The following AGPAT3 variants were observed in gnomAD, a reference collection of about 807,000 sequenced individuals.
AGPAT3 encodes 1-acylglycerol-3-phosphate O-acyltransferase 3, also known as 1-acyl-sn-glycerol-3-phosphate acyltransferase gamma.
AGPAT3 carries 5 observed loss-of-function variants against 47.3 expected under a neutral mutation model. The observed-to-expected ratio is 0.11, with a 90% CI of 0.06 to 0.22. AGPAT3 has a LOEUF of 0.22. AGPAT3 is among the 10% of genes least tolerant of loss of function. The pLI, the probability that AGPAT3 is intolerant of heterozygous loss-of-function variation, is 1.00. For missense variants in AGPAT3, 315 were observed against 493.0 expected (o/e 0.64, Z 3.42); for synonymous variants, 212 against 208.3 (o/e 1.02, Z -0.15).
Position 43,939,278 on chromosome 21 carries a change from C to T in AGPAT3, c.-48-20356C>T, listed in dbSNP as rs1036539228. On this transcript the variant is annotated intron_variant, in intron 2 of 9. Transcript: ENST00000291572. The surrounding 1 kb of genome is among the most constrained non-coding windows in gnomAD (Gnocchi z 4.4). The stretch of plus-strand genomic sequence containing the variant: ...CCCCGTCCCCGTGTGCTGTCGAGGG[C>T]CTCTAGCGGGCGCTCCCTTGATAAC... Among the ~76,000 whole-genome samples the T allele has an allele frequency of 6.6e-6, 1 of 152,106 alleles. No homozygotes were observed. Among genetic ancestry groups the T allele is most frequent in the Non-Finnish European group, 1.5e-5 (1 of 68,000 alleles).
chr21:43,946,460 C>G (rs971764638), intron 2 of AGPAT3, among the ~76,000 whole-genome samples: 1 of 152,034 alleles, frequency 6.6e-6, no homozygotes, highest in African/African-American at 2.4e-5. Flanking sequence ...ATCAGCCAGG[C>G]GTGGTAGCCC....
intron 2 of AGPAT3, among the ~76,000 whole-genome samples, chr21:43,923,969 T>C: frequency 6.6e-6 from 1 of 152,168 alleles, no homozygotes; most frequent in East Asian, 1.9e-4. Flanking sequence ...TTGAAAGGCT[T>C]GTTAGGAGTA....
chr21:43,882,289 G>A (rs757759323), intron 1 of AGPAT3, among the ~76,000 whole-genome samples: 15 of 152,258 alleles, frequency 9.9e-5, no homozygotes, highest in Admixed American at 9.8e-4. Flanking sequence ...TATTAATAAA[G>A]CATTGTGATG....
intron 1 of AGPAT3, among the ~76,000 whole-genome samples, chr21:43,874,301 C>T (rs2085688001): frequency 1.3e-5 from 2 of 152,220 alleles, no homozygotes; most frequent in Non-Finnish European, 2.9e-5. Flanking sequence ...GCTGGGATTA[C>T]AGGCATGAGC....
chr21:43,907,733 A>AC (rs2086536922), intron 2 of AGPAT3, among the ~76,000 whole-genome samples: 13 of 152,270 alleles, frequency 8.5e-5, no homozygotes, highest in South Asian at 4.2e-4. Flanking sequence ...AACAACAACA[A>AC]AAAAACCGTT....
chr21:43,938,318 T>G (rs2087522698), intron 2 of AGPAT3, among the ~76,000 whole-genome samples: 1 of 6,222 alleles, frequency 1.6e-4, no homozygotes, highest in South Asian at 0.011. Context: ...CTGCAAATCT[T>G]TTTTTTTTTT....
intron 1 of AGPAT3, among the ~76,000 whole-genome samples, chr21:43,865,684 C>T (rs1000882876): frequency 6.6e-6 from 1 of 150,454 alleles, no homozygotes; most frequent in African/African-American, 2.4e-5. Context: ...TCGGGGCGCC[C>T]GGGAGGGGCC....
intron 1 of AGPAT3, among the ~76,000 whole-genome samples, chr21:43,871,446 T>A (rs2085622924): frequency 6.6e-6 from 1 of 152,208 alleles, no homozygotes; most frequent in Admixed American, 6.5e-5. Flanking sequence ...CAAAAAATAA[T>A]GTTTTCAGAA....
intron 2 of AGPAT3, among the ~76,000 whole-genome samples, chr21:43,957,622 C>G (rs2088544486): frequency 1.4e-5 from 2 of 145,988 alleles, no homozygotes; most frequent in Admixed American, 1.4e-4. Context: ...TCTCGGGTTT[C>G]CCCCTGCACA....
Position 43,955,085 on chromosome 21 carries a change from G to A in AGPAT3, c.-48-4549G>A, listed in dbSNP as rs146362903. 5.6e-4 allele frequency: 704 copies of A among 1,249,560 alleles called. 6 individuals carry two copies. The African/African-American group carries it at 9.8e-3, about 17-fold the overall frequency. 77.4% of individuals were successfully genotyped at this position (1,249,560 alleles called of 1,614,324 possible). ...AAAGGCTGGGTGCCAGCTGCCTGTC[G>A]GCAGGGAGCGTATCACCGTGGCACG... On this transcript the variant is annotated intron_variant, in intron 2 of 9. Coordinates refer to ENST00000291572, the MANE Select transcript of AGPAT3 (RefSeq NM_020132.5). The surrounding 1 kb of genome is among the most constrained non-coding windows in gnomAD (Gnocchi z 4.1).
Position 43,922,965 on chromosome 21 carries a change from G to A in AGPAT3, c.-49+18946G>A, listed in dbSNP as rs1390409622. Among the ~76,000 whole-genome samples, 6 of 152,222 alleles carry A rather than the reference G, an allele frequency of 3.9e-5. No homozygotes were observed. Among genetic ancestry groups the A allele is most frequent in the Non-Finnish European group, 8.8e-5 (6 of 68,028 alleles). On this transcript the variant is annotated intron_variant, in intron 2 of 9. Transcript: ENST00000291572. The surrounding 1 kb of genome is among the most constrained non-coding windows in gnomAD (Gnocchi z 4.9). ...GGTGCGAGCGTCTGTTCTGTGTCAG[G>A]AGTCCCTGTTTCTTTCTCCCCATGC...
intron 1 of AGPAT3, among the ~76,000 whole-genome samples, chr21:43,887,756 G>GGC (rs2086013549): frequency 2.6e-5 from 4 of 152,220 alleles, no homozygotes; most frequent in African/African-American, 7.2e-5. Context: ...TCAGACTCAA[G>GGC]TGATTCTCCT....
chr21:43,906,135 G>A (rs532239056), intron 2 of AGPAT3, among the ~76,000 whole-genome samples: 1 of 152,334 alleles, frequency 6.6e-6, no homozygotes, highest in African/African-American at 2.4e-5. Flanking sequence ...AAGAAGGGCA[G>A]GTTGGAAACA....
intron 1 of AGPAT3, among the ~76,000 whole-genome samples, chr21:43,876,321 G>T (rs982356821): frequency 6.6e-6 from 1 of 152,092 alleles, no homozygotes; most frequent in African/African-American, 2.4e-5. Context: ...GTTGGACTCC[G>T]CCACTTGTTC....
At chr21:43,967,689 C>T (rs973290114) in intron 3 of AGPAT3, 20 of 460,784 alleles carry the variant, frequency 4.3e-5, no homozygotes, top group South Asian at 2.1e-4. Context: ...CGTAATTGGG[C>T]GTAAAGATCA....
chr21:43,928,166 C>T (rs983780431), intron 2 of AGPAT3, among the ~76,000 whole-genome samples: 10 of 152,158 alleles, frequency 6.6e-5, no homozygotes, highest in Non-Finnish European at 1.5e-4. Flanking sequence ...TGGAAGTCTC[C>T]GCTGCACAAT....
rs996366706 is a variant in AGPAT3 at position 43,955,094 on chromosome 21, C to G, written c.-48-4540C>G. The stretch of plus-strand genomic sequence containing the variant: ...GTGCCAGCTGCCTGTCGGCAGGGAG[C>G]GTATCACCGTGGCACGTCCATGCCG... On this transcript the variant is annotated intron_variant, in intron 2 of 9. Coordinates refer to ENST00000291572, the MANE Select transcript of AGPAT3 (RefSeq NM_020132.5). This position sits in a 1 kb window ranked among gnomAD's most constrained non-coding sequence, Gnocchi z 4.1. 1 of 1,261,048 alleles carries G rather than the reference C, an allele frequency of 7.9e-7. No individual in the cohort carries two copies. Among genetic ancestry groups the G allele is most frequent in the African/African-American group, 1.5e-5 (1 of 65,058 alleles). 78.1% of individuals were successfully genotyped at this position (1,261,048 alleles called of 1,614,324 possible). A position where few individuals can be genotyped will look rare whatever the true frequency, so the allele number is the denominator to read the frequency against.
intron 2 of AGPAT3, among the ~76,000 whole-genome samples, chr21:43,946,704 C>T (rs780148981): frequency 1.3e-5 from 2 of 152,096 alleles, no homozygotes; most frequent in African/African-American, 4.8e-5. Flanking sequence ...TATTATAACG[C>T]GTAGTTCGTT....
chr21:43,883,035 G>A (rs1400645375), intron 1 of AGPAT3, among the ~76,000 whole-genome samples: 1 of 152,268 alleles, frequency 6.6e-6, no homozygotes, highest in Non-Finnish European at 1.5e-5. Context: ...TCCTTTATTT[G>A]TGAATTATCA....
Sources: gnomAD v4.1 joint callset for allele counts (sites outside exome capture counted in the v4.1 genomes callset) on GRCh38, gnomAD v4.1.1 for gene constraint, Gnocchi (gnomAD v3.1) non-coding constraint, MANE v1.5 for transcripts, NCBI Gene and HGNC (gene_info 2026-07-23, HGNC 2026-07-21) for gene names.